ENY2: variants seen among roughly 807,000 people sequenced by gnomAD.
ENY2 encodes the protein transcription and mRNA export factor ENY2.
A neutral mutation model predicts 15.9 loss-of-function variants in ENY2; 4 were observed. That is an observed-to-expected ratio of 0.25 (90% CI 0.12 to 0.57). The LOEUF (loss-of-function observed/expected upper bound fraction) is 0.57. ENY2 is among the 20% of genes least tolerant of loss of function. The probability of loss-of-function intolerance (pLI) is 0.91; values close to 1 mark genes in which losing one functional copy is unlikely to be tolerated. For missense variants in ENY2, 54 were observed against 117.2 expected (o/e 0.46, Z 2.49); for synonymous variants, 48 against 38.0 (o/e 1.26, Z -0.97).
At chr8:109,336,244 C>CT in intron 2 of ENY2, 40 bp downstream of exon 2, 1 of 1,486,014 alleles carries the variant, frequency 6.7e-7, no homozygotes, top group Non-Finnish European at 9.3e-7. Context: ...ATTTCACCGC[C>CT]TTTAATAGTT....
intron 2 of ENY2, among the ~76,000 whole-genome samples, chr8:109,337,894 C>T (rs898459995): frequency 2.0e-5 from 3 of 150,672 alleles, no homozygotes; most frequent in African/African-American, 2.4e-5. Flanking sequence ...AGTGAAACTC[C>T]GTCTCAAAAA....
intron 1 of ENY2, 161 bp downstream of exon 1, chr8:109,334,635 G>C (rs1244889372): frequency 3.9e-6 from 3 of 765,382 alleles, no homozygotes; most frequent in Non-Finnish European, 6.0e-6. Flanking sequence ...TCCTCGCTTT[G>C]TTTTCTGGCT....
chr8:109,341,907 C>A (rs780937542), intron 4 of ENY2, among the ~76,000 whole-genome samples: 2 of 152,110 alleles, frequency 1.3e-5, no homozygotes, highest in East Asian at 3.8e-4. Flanking sequence ...TTCAAGGCAA[C>A]TCACTAATCC....
intron 3 of ENY2, chr8:109,340,284 T>A (rs1816085102): frequency 1.7e-6 from 1 of 594,880 alleles, no homozygotes; most frequent in Non-Finnish European, 2.8e-6. Context: ...TGCTGGTTAT[T>A]TAGCTGAGAC....
intron 2 of ENY2, 160 bp downstream of exon 2, chr8:109,336,364 A>G: frequency 3.0e-6 from 2 of 665,568 alleles, no homozygotes; most frequent in Non-Finnish European, 5.0e-6. Context: ...TAGGTTTGTT[A>G]AGTATTGCAG....
Position 109,343,396 on chromosome 8 carries a change from G to C in ENY2, c.230-9G>C. 1 of 1,590,624 alleles carries C rather than the reference G, an allele frequency of 6.3e-7. No homozygotes were observed. The highest frequency in any genetic ancestry group is 8.5e-7 in the Non-Finnish European group (1 of 1,172,162). ...TTCTTACTCTTATTTTTTTATTTTT[G>C]TTTTTCAGCCCTGGTACCTGACAGT... On this transcript the variant is annotated splice_polypyrimidine_tract_variant and intron_variant, in intron 4 of 4. Transcript: ENST00000521688.
intron 4 of ENY2, among the ~76,000 whole-genome samples, chr8:109,342,204 G>A (rs1168616760): frequency 7.0e-6 from 1 of 143,620 alleles, no homozygotes; most frequent in Admixed American, 7.2e-5. Context: ...ATTCTGAATA[G>A]ATAATAGTCA....
At chr8:109,342,762 C>T in intron 4 of ENY2, 1 of 696,726 alleles carries the variant, frequency 1.4e-6, no homozygotes, top group South Asian at 1.5e-5. Flanking sequence ...CCTCAACCTT[C>T]CAGACTGCTG....
chr8:109,344,347 C>G lies in ENY2; in HGVS notation c.*866C>G, dbSNP rs975605431. The G allele has an allele frequency of 6.6e-6, 1 of 152,082 alleles. No homozygotes were observed. 9.4% of individuals were successfully genotyped at this position (152,082 alleles called of 1,614,324 possible). Reference sequence around the variant, plus strand: ...GTAGATAATGGTGTTTCCTAGGGCTCCCTCCAGGGCCCTCTGCCTCACTAA... The same window carrying G: ...GTAGATAATGGTGTTTCCTAGGGCTGCCTCCAGGGCCCTCTGCCTCACTAA... On this transcript the variant is annotated 3_prime_UTR_variant, in exon 5 of 5. Transcript: ENST00000521688.
chr8:109,340,751 A>C, intron 4 of ENY2, 188 bp downstream of exon 4: 1 of 628,130 alleles, frequency 1.6e-6, no homozygotes, highest in Non-Finnish European at 2.7e-6. Context: ...ACTAGGTTTC[A>C]GTGTTCTTGT....
At chr8:109,337,577 G>A (rs774102233) in intron 2 of ENY2, among the ~76,000 whole-genome samples, 3 of 152,092 alleles carry the variant, frequency 2.0e-5, no homozygotes, top group Non-Finnish European at 4.4e-5. Flanking sequence ...AAAATAAAGA[G>A]GTGTAATATT....
intron 4 of ENY2, among the ~76,000 whole-genome samples, chr8:109,342,172 T>TA (rs1461072489): frequency 6.6e-6 from 1 of 151,260 alleles, no homozygotes; most frequent in East Asian, 1.9e-4. Context: ...CCCTTTTTTT[T>TA]TTTTTGCATT....
chr8:109,344,082 C>T lies in ENY2; in HGVS notation c.*601C>T, dbSNP rs1816180139. On this transcript the variant is annotated 3_prime_UTR_variant, in exon 5 of 5. Transcript: ENST00000521688. ...GAATGCAGAATCTTTAAATTGCAAC[C>T]CCACATACTAAGGTCAAGAAAGAAC... is the stretch of plus-strand genomic sequence containing the variant. 6.6e-6 allele frequency: 1 copy of T among 152,174 alleles called. No individual in the cohort carries two copies. The highest frequency in any genetic ancestry group is 1.5e-5 in the Non-Finnish European group (1 of 68,068). The allele number at this position is 152,174 out of a possible 1,614,324, so 9.4% of individuals were successfully genotyped here.
rs1001923219 is a variant in ENY2, at chr8:109,345,122, A to C, written c.*1641A>C. ...TGTTTGCCCTTCAGAGTTCAGCTTTAGTTGCTAAAACATTCAGACATCCCT... is the reference window on the plus strand; with the variant it reads ...TGTTTGCCCTTCAGAGTTCAGCTTTCGTTGCTAAAACATTCAGACATCCCT... On this transcript the variant is annotated 3_prime_UTR_variant, in exon 5 of 5. Coordinates refer to ENST00000521688, the MANE Select transcript of ENY2 (RefSeq NM_020189.6). The C allele has an allele frequency of 2.0e-5, 3 of 152,152 alleles. No homozygotes were observed. The highest frequency in any genetic ancestry group is 7.2e-5 in the African/African-American group (3 of 41,442). The allele number at this position is 152,152 out of a possible 1,614,324, so 9.4% of individuals were successfully genotyped here.
rs1815986528 is a variant in ENY2, at chr8:109,336,401, A to C, written c.83+197A>C. Reference sequence around the variant, plus strand: ...ACTTGGAGGGAAGTGGTGATGTAGAAAGATGAGCAAGATATGGCTCTTAAA... The same window carrying C: ...ACTTGGAGGGAAGTGGTGATGTAGACAGATGAGCAAGATATGGCTCTTAAA... On this transcript the variant is annotated intron_variant, in intron 2 of 4. Transcript: ENST00000521688. 4 of 537,632 alleles carry C rather than the reference A, an allele frequency of 7.4e-6. No individual in the cohort carries two copies. In the Admixed American group the frequency reaches 1.0e-4, roughly 13 times the overall value. The allele number at this position is 537,632 out of a possible 1,614,324, so 33.3% of individuals were successfully genotyped here.
intron 3 of ENY2, 29 bp downstream of exon 3, chr8:109,339,419 A>T: frequency 6.3e-7 from 1 of 1,595,312 alleles, no homozygotes; most frequent in Non-Finnish European, 8.6e-7. Context: ...AAGATAAACT[A>T]ATCCCATTTT....
At chr8:109,342,454 TTATA>T (rs1198191426) in intron 4 of ENY2, among the ~76,000 whole-genome samples, 6 of 150,184 alleles carry the variant, frequency 4.0e-5, no homozygotes, top group African/African-American at 1.5e-4. Context: ...TTATGTATGT[TTATA>T]TAGTTTATGT....
At chr8:109,334,505 G>C (rs1259029375) in intron 1 of ENY2, 31 bp downstream of exon 1, 3 of 1,609,652 alleles carry the variant, frequency 1.9e-6, no homozygotes, top group Non-Finnish European at 2.5e-6. Context: ...TCAGGGCCGG[G>C]ACCCGGGCCC....
At chr8:109,342,437 ATATATAT>A (rs1816139317) in intron 4 of ENY2, among the ~76,000 whole-genome samples, 1 of 150,152 alleles carries the variant, frequency 6.7e-6, no homozygotes, top group Non-Finnish European at 1.5e-5. Context: ...TATACTTAAA[ATATATAT>A]TATGTATGTT....
Sources: gnomAD v4.1 joint callset for allele counts (sites outside exome capture counted in the v4.1 genomes callset) on GRCh38, gnomAD v4.1.1 for gene constraint, MANE v1.5 for transcripts, NCBI Gene and HGNC (gene_info 2026-07-23, HGNC 2026-07-21) for gene names.